Variants in CSMD1 observed in about 807,000 individuals in gnomAD.
CSMD1 encodes CUB and Sushi multiple domains 1, also known as CUB and sushi domain-containing protein 1.
In CSMD1, 213 loss-of-function variants were observed where a neutral mutation model predicts 417.5. The observed-to-expected ratio is 0.51, with a 90% CI of 0.46 to 0.57. CSMD1 has a LOEUF of 0.57. Among genes scored for constraint, CSMD1 ranks in the 20% least tolerant of loss-of-function variants. The probability of loss-of-function intolerance (pLI) is 0.00; values close to 1 mark genes in which losing one functional copy is unlikely to be tolerated. For synonymous variants in CSMD1, 2,862 were observed against 1,736.8 expected, an observed-to-expected ratio of 1.65 and a Z score of -16.11; for missense variants, 6,923 against 4,529.7, an observed-to-expected ratio of 1.53 and a Z score of -15.17.
chr8:4,153,631 T>G (rs1796682166), intron 3 of CSMD1, among the ~76,000 whole-genome samples: 1 of 152,192 alleles, frequency 6.6e-6, no homozygotes, highest in Admixed American at 6.5e-5. Flanking sequence ...CTCTTCACCT[T>G]GCAAGGCAGC....
At chr8:3,923,232 G>A (rs1229094524) in intron 5 of CSMD1, among the ~76,000 whole-genome samples, 1 of 152,096 alleles carries the variant, frequency 6.6e-6, no homozygotes, top group Non-Finnish European at 1.5e-5. Flanking sequence ...TTCCTTGTCT[G>A]GTGGTGAATC....
At chr8:4,953,267 A>G (rs1808869738) in intron 1 of CSMD1, among the ~76,000 whole-genome samples, 1 of 152,176 alleles carries the variant, frequency 6.6e-6, no homozygotes, top group Non-Finnish European at 1.5e-5. Flanking sequence ...ATATATTTCT[A>G]AATAGCCTAA....
intron 3 of CSMD1, among the ~76,000 whole-genome samples, chr8:4,136,017 A>T (rs1803409887): frequency 6.6e-6 from 1 of 152,196 alleles, no homozygotes; most frequent in African/African-American, 2.4e-5. Context: ...ATTTCAAAAA[A>T]TATTATGGGT....
chr8:4,780,944 G>A (rs1465139253), intron 1 of CSMD1, among the ~76,000 whole-genome samples: 2 of 152,138 alleles, frequency 1.3e-5, no homozygotes, highest in South Asian at 4.1e-4. Context: ...GTCTTTATAA[G>A]GCTCAAGCAA....
intron 6 of CSMD1, among the ~76,000 whole-genome samples, chr8:3,728,040 A>G (rs1802595112): frequency 1.3e-5 from 2 of 152,112 alleles, no homozygotes; most frequent in South Asian, 2.1e-4. Context: ...ATGCCCCTGA[A>G]TTGTACATTT....
intron 4 of CSMD1, among the ~76,000 whole-genome samples, chr8:4,014,048 G>A (rs1170600741): frequency 6.6e-6 from 1 of 152,082 alleles, no homozygotes; most frequent in East Asian, 1.9e-4. Flanking sequence ...GATGTGTATT[G>A]GAAATCAAAG....
intron 2 of CSMD1, among the ~76,000 whole-genome samples, chr8:4,555,191 G>C (rs761946294): frequency 5.9e-5 from 9 of 152,178 alleles, no homozygotes; most frequent in Non-Finnish European, 1.3e-4. Context: ...ATGGCAGATT[G>C]GTAGGAATAA....
chr8:4,376,913 T>C (rs1373020263), intron 3 of CSMD1, among the ~76,000 whole-genome samples: 1 of 152,198 alleles, frequency 6.6e-6, no homozygotes, highest in East Asian at 1.9e-4. Context: ...CACACTACTG[T>C]ACTGCAATTT....
At chr8:4,852,920 A>G (rs530952920) in intron 1 of CSMD1, among the ~76,000 whole-genome samples, 1 of 152,286 alleles carries the variant, frequency 6.6e-6, no homozygotes, top group Non-Finnish European at 1.5e-5. Context: ...AAGAATGATG[A>G]GAGGGTACAT....
chr8:4,463,367 T>C (rs1288803977), intron 2 of CSMD1, among the ~76,000 whole-genome samples: 3 of 152,164 alleles, frequency 2.0e-5, no homozygotes, highest in Non-Finnish European at 4.4e-5. Flanking sequence ...TTTTGTAAAA[T>C]ACTCCGGAAG....
At chr8:4,543,689 A>C (rs1172210678) in intron 2 of CSMD1, among the ~76,000 whole-genome samples, 1 of 150,430 alleles carries the variant, frequency 6.6e-6, no homozygotes, top group African/African-American at 2.4e-5. Context: ...AAAAAAAAAA[A>C]AAAAAAAAAA....
At chr8:4,446,285 T>C (rs2129755545) in intron 2 of CSMD1, among the ~76,000 whole-genome samples, 1 of 152,302 alleles carries the variant, frequency 6.6e-6, no homozygotes, top group South Asian at 2.1e-4. Context: ...TGGTGGCTCA[T>C]GCCCGTAATC....
intron 3 of CSMD1, among the ~76,000 whole-genome samples, chr8:4,390,131 T>C (rs776764728): frequency 1.1e-4 from 17 of 152,242 alleles, no homozygotes; most frequent in Non-Finnish European, 2.1e-4. Context: ...TGCTCAGCAA[T>C]TGGACTTTAA....
chr8:4,689,045 A>G (rs11997258), intron 1 of CSMD1, among the ~76,000 whole-genome samples: 9,067 of 152,278 alleles, frequency 0.06, 838 homozygotes, highest in African/African-American at 0.2. Flanking sequence ...TGCTGTCCAC[A>G]TAATAACTTG....
intron 42 of CSMD1, among the ~76,000 whole-genome samples, chr8:3,113,884 G>T (rs774732541): frequency 6.6e-6 from 1 of 152,136 alleles, no homozygotes; most frequent in Non-Finnish European, 1.5e-5. Flanking sequence ...TTTCTGTGAA[G>T]AGAGATGGAT....
intron 3 of CSMD1, among the ~76,000 whole-genome samples, chr8:4,294,613 T>C (rs533865653): frequency 6.6e-6 from 1 of 152,288 alleles, no homozygotes; most frequent in Non-Finnish European, 1.5e-5. Flanking sequence ...CTACAGACCC[T>C]GAACATTCCA....
chr8:4,433,682 C>A (rs1005382415), intron 2 of CSMD1, among the ~76,000 whole-genome samples: 1 of 152,174 alleles, frequency 6.6e-6, no homozygotes, highest in South Asian at 2.1e-4. Context: ...CACTTGCAGT[C>A]ATTCACCTGG....
intron 41 of CSMD1, among the ~76,000 whole-genome samples, chr8:3,123,322 C>A (rs1376455306): frequency 5.9e-5 from 9 of 152,152 alleles, no homozygotes; most frequent in Admixed American, 2.0e-4. Context: ...ACAGCCTTTT[C>A]TTGAAAGCCA....
chr8:3,225,290 T>C (rs10108868), intron 27 of CSMD1, among the ~76,000 whole-genome samples: 41,021 of 152,034 alleles, frequency 0.27, 5,679 homozygotes, highest in East Asian at 0.31. Context: ...AATGCTATTG[T>C]AGAAAACATT....
Sources: allele counts gnomAD v4.1 joint callset (sites outside exome capture counted in the v4.1 genomes callset), GRCh38; gene constraint gnomAD v4.1.1; transcripts MANE v1.5; gene names NCBI Gene and HGNC (gene_info 2026-07-23, HGNC 2026-07-21).